Variants in CALN1 observed in about 807,000 individuals in gnomAD.
The protein encoded by CALN1 is calcium-binding protein 8.
In CALN1, 17 loss-of-function variants were observed where a neutral mutation model predicts 30.6. The observed-to-expected ratio is 0.56, with a 90% CI of 0.38 to 0.83. The LOEUF (loss-of-function observed/expected upper bound fraction) is 0.83, where lower values mean the gene tolerates loss of function less well. Among genes scored for constraint, CALN1 ranks in the 40% least tolerant of loss-of-function variants. The pLI, the probability that CALN1 is intolerant of heterozygous loss-of-function variation, is 0.00. For synonymous variants in CALN1, 156 were observed against 131.4 expected (o/e 1.19, Z -1.28); for missense variants, 291 against 354.9 (o/e 0.82, Z 1.45).
chr7:72,104,345 T>A (rs1029397521), intron 4 of CALN1: 2 of 152,252 alleles, frequency 1.3e-5, no homozygotes, highest in African/African-American at 4.8e-5. Flanking sequence ...AGGTGATGGC[T>A]AAGAGATGTG....
At chr7:72,323,246 C>T (rs891177836) in intron 2 of CALN1, among the ~76,000 whole-genome samples, 2 of 152,060 alleles carry the variant, frequency 1.3e-5, no homozygotes, top group Non-Finnish European at 2.9e-5. Flanking sequence ...GTCCTTTGTT[C>T]TCTAACCCTG....
At chr7:72,108,198 TCTC>T (rs2129541408) in intron 3 of CALN1, among the ~76,000 whole-genome samples, 1 of 152,268 alleles carries the variant, frequency 6.6e-6, no homozygotes, top group East Asian at 1.9e-4. Context: ...ATCTCCATCT[TCTC>T]CTCTTCTGTC....
chr7:71,847,711 A>G (rs1790355302), intron 5 of CALN1, among the ~76,000 whole-genome samples: 1 of 109,840 alleles, frequency 9.1e-6, no homozygotes, highest in Non-Finnish European at 1.7e-5. Context: ...GAAAGAAGAA[A>G]GAAGAAAGAA....
intron 3 of CALN1, among the ~76,000 whole-genome samples, chr7:72,158,605 G>C (rs1563107547): frequency 6.6e-6 from 1 of 152,106 alleles, no homozygotes; most frequent in Non-Finnish European, 1.5e-5. Flanking sequence ...GGCCCTCATG[G>C]GTAGGCTTTC....
rs763330816 is a variant in CALN1 at position 72,292,379 on chromosome 7, C to T, written c.120-13569G>A. On this transcript the variant is annotated intron_variant, in intron 2 of 6. Coordinates refer to ENST00000395275, the MANE Select transcript of CALN1 (RefSeq NM_031468.4). The stretch of plus-strand genomic sequence containing the variant: ...CTTTGTCCCCTTATAAGAGGACATT[C>T]GTGAGGATTCCACCTCATTAGTGAA... 6.0e-5 allele frequency among the ~76,000 whole-genome samples: 9 copies of T among 150,774 alleles called. 1 individual carries two copies. Among genetic ancestry groups the T allele is most frequent in the African/African-American group, 2.0e-4 (8 of 40,816 alleles).
At chr7:72,027,363 G>A (rs888700286) in intron 4 of CALN1, among the ~76,000 whole-genome samples, 2 of 152,118 alleles carry the variant, frequency 1.3e-5, no homozygotes, top group Non-Finnish European at 2.9e-5. Context: ...CCACAGTGAG[G>A]TCTAACTGTT....
intron 3 of CALN1, among the ~76,000 whole-genome samples, chr7:72,276,595 A>G (rs2129553896): frequency 6.6e-6 from 1 of 152,028 alleles, no homozygotes; most frequent in East Asian, 1.9e-4. Context: ...ACTATGAAAG[A>G]TCTGCCCTCA....
At chr7:72,406,426 G>C (rs1002226968) in intron 1 of CALN1, among the ~76,000 whole-genome samples, 5 of 152,060 alleles carry the variant, frequency 3.3e-5, no homozygotes, top group African/African-American at 1.2e-4. Flanking sequence ...AAATTAACCG[G>C]TTATCTCATT....
chr7:72,186,981 T>C (rs1400413940), intron 3 of CALN1, among the ~76,000 whole-genome samples: 2 of 147,312 alleles, frequency 1.4e-5, no homozygotes, highest in Non-Finnish European at 3.0e-5. Flanking sequence ...ATATTATGAG[T>C]CCCCAGAAAG....
intron 5 of CALN1, among the ~76,000 whole-genome samples, chr7:72,012,887 C>T (rs1470265451): frequency 3.3e-5 from 5 of 152,244 alleles, no homozygotes; most frequent in Middle Eastern, 3.4e-3. Flanking sequence ...CCTCCGCCTC[C>T]GGGGTTCAAG....
intron 3 of CALN1, among the ~76,000 whole-genome samples, chr7:72,271,575 A>AAAAAAAAAATATATATAT: frequency 5.8e-5 from 3 of 52,122 alleles, no homozygotes; most frequent in East Asian, 9.9e-4. Context: ...AAAAAAAAAA[A>AAAAAAAAAATATATATAT]ATATATATAT....
In CALN1 at chr7:71,829,022, G is replaced by A. The variant is rs1218748941; in HGVS notation, c.502-18530C>T. 2.6e-5 allele frequency among the ~76,000 whole-genome samples: 4 copies of A among 152,030 alleles called. No individual in the cohort carries two copies. The East Asian group carries it at 7.7e-4, about 29-fold the overall frequency. Reference sequence around the variant, plus strand: ...GGCCTCCCAAAGTGCTGGGATTACAGGTGTGATCCACCGCGCCCGGCCACA... The same window carrying A: ...GGCCTCCCAAAGTGCTGGGATTACAAGTGTGATCCACCGCGCCCGGCCACA... On this transcript the variant is annotated intron_variant, in intron 5 of 6. Transcript: ENST00000395275.
intron 3 of CALN1, among the ~76,000 whole-genome samples, chr7:72,125,461 G>C (rs1563079305): frequency 6.6e-6 from 1 of 152,232 alleles, no homozygotes; most frequent in Non-Finnish European, 1.5e-5. Context: ...ACTAGGGGAA[G>C]ACAGACGATG....
At chr7:72,374,830 A>G (rs796443058) in intron 2 of CALN1, among the ~76,000 whole-genome samples, 10 of 152,214 alleles carry the variant, frequency 6.6e-5, no homozygotes, top group African/African-American at 2.4e-4. Context: ...ATTACCACAT[A>G]TTTTGCTCAA....
chr7:72,314,384 C>CACATATATAT, intron 2 of CALN1, among the ~76,000 whole-genome samples: 2 of 69,292 alleles, frequency 2.9e-5, no homozygotes. Context: ...CACATATATA[C>CACATATATAT]ACATATATAT....
At chr7:72,321,681 G>A (rs1173603703) in intron 2 of CALN1, among the ~76,000 whole-genome samples, 1 of 152,164 alleles carries the variant, frequency 6.6e-6, no homozygotes, top group Non-Finnish European at 1.5e-5. Context: ...GGAGGGGACG[G>A]AAAATCACAG....
At chr7:71,819,547 C>G (rs1259447268) in intron 5 of CALN1, among the ~76,000 whole-genome samples, 1 of 152,188 alleles carries the variant, frequency 6.6e-6, no homozygotes, top group Admixed American at 6.6e-5. Context: ...AGTACTTTCA[C>G]AGTGTCATAC....
intron 3 of CALN1, among the ~76,000 whole-genome samples, chr7:72,113,774 C>T (rs765281307): frequency 5.9e-5 from 9 of 152,176 alleles, no homozygotes; most frequent in Non-Finnish European, 8.8e-5. Flanking sequence ...ATTTATACTC[C>T]GGACTTTTCT....
chr7:72,399,617 T>C (rs74799275), intron 2 of CALN1, among the ~76,000 whole-genome samples: 3,859 of 152,272 alleles, frequency 0.025, 80 homozygotes, highest in Middle Eastern at 0.058. Flanking sequence ...ATTTGAGTCT[T>C]GTAGGGATCA....
Sources: allele counts gnomAD v4.1 joint callset (sites outside exome capture counted in the v4.1 genomes callset), GRCh38; gene constraint gnomAD v4.1.1; transcripts MANE v1.5; gene names NCBI Gene and HGNC (gene_info 2026-07-23, HGNC 2026-07-21).